The following PPP4R3B variants were observed in gnomAD, a reference collection of about 807,000 sequenced individuals.
PPP4R3B encodes serine/threonine-protein phosphatase 4 regulatory subunit 3B.
Under a neutral mutation model 95.4 loss-of-function variants are expected in PPP4R3B, and 52 were observed. That is an observed-to-expected ratio of 0.54 (90% CI 0.44 to 0.69). The LOEUF (loss-of-function observed/expected upper bound fraction) is 0.69, where lower values mean the gene tolerates loss of function less well. PPP4R3B is among the 30% of genes least tolerant of loss of function. The pLI is 0.00. For synonymous variants in PPP4R3B, 407 were observed against 343.9 expected, an observed-to-expected ratio of 1.18 and a Z score of -2.03; for missense variants, 1,003 against 1,005.9, an observed-to-expected ratio of 1.00 and a Z score of 0.04.
At chr2:55,578,423 T>C (rs1688987383) in intron 9 of PPP4R3B, 81 bp from the exon 10 acceptor site, 2 of 1,164,318 alleles carry the variant, frequency 1.7e-6, no homozygotes, top group Middle Eastern at 3.2e-4. Flanking sequence ...ATCTATATAT[T>C]TCTGTAAGCT....
chr2:55,551,117 C>T lies in PPP4R3B; in HGVS notation c.2455-1111G>A, dbSNP rs140231370. On this transcript the variant is annotated intron_variant, in intron 16 of 16. Coordinates refer to ENST00000616407, the MANE Select transcript of PPP4R3B (RefSeq NM_001122964.3). The stretch of plus-strand genomic sequence containing the variant: ...CTGTAATCCCAGCACTTTGGGAGAT[C>T]GAGGCGGATGGGTCACCTGAGAGAT... 2.4e-3 allele frequency among the ~76,000 whole-genome samples: 368 copies of T among 152,090 alleles called. 1 individual carries two copies. Among genetic ancestry groups the T allele is most frequent in the African/African-American group, 8.1e-3 (336 of 41,518 alleles).
chr2:55,608,561 G>C (rs891527948), intron 2 of PPP4R3B, among the ~76,000 whole-genome samples: 2 of 152,024 alleles, frequency 1.3e-5, no homozygotes, highest in Non-Finnish European at 2.9e-5. Flanking sequence ...ATTATCTTTT[G>C]CTTGGACTAT....
At chr2:55,593,144 C>T (rs962638073) in intron 4 of PPP4R3B, among the ~76,000 whole-genome samples, 5 of 152,028 alleles carry the variant, frequency 3.3e-5, no homozygotes, top group South Asian at 2.1e-4. Context: ...GGTGACAGAG[C>T]GAGACTCTGT....
At position 55,564,398 on chromosome 2, in the gene PPP4R3B, T is replaced by C. The variant is rs1687015741; in HGVS notation, c.2175A>G (p.Gly725=). Residue 725 remains glycine (G), a synonymous_variant, in exon 15 of 17, where the codon GGA becomes GGG. Transcript: ENST00000616407. ...MWFNEDEEEE[G]KAVVAPVEKP... Reference sequence around the variant, plus strand: ...TTTCCACTGGTGCCACAACTGCTTTTCCTTCCTCTTCTTCATCTTCATTAA... The same window carrying C: ...TTTCCACTGGTGCCACAACTGCTTTCCCTTCCTCTTCTTCATCTTCATTAA... 1 of 1,613,862 alleles carries C rather than the reference T, an allele frequency of 6.2e-7. No homozygotes were observed. Among genetic ancestry groups the C allele is most frequent in the African/African-American group, 1.3e-5 (1 of 74,914 alleles).
intron 9 of PPP4R3B, 27 bp downstream of exon 9, chr2:55,579,652 C>G: frequency 7.0e-7 from 1 of 1,426,618 alleles, no homozygotes; most frequent in South Asian, 1.5e-5. Flanking sequence ...AAACAGAAAT[C>G]ACAGCAGATA....
chr2:55,563,406 T>A (rs1686875579), intron 15 of PPP4R3B, among the ~76,000 whole-genome samples: 1 of 152,218 alleles, frequency 6.6e-6, no homozygotes, highest in African/African-American at 2.4e-5. Context: ...ATAAGGTCTT[T>A]CTCTGTTATT....
intron 15 of PPP4R3B, among the ~76,000 whole-genome samples, chr2:55,561,863 A>T (rs1190250052): frequency 1.3e-5 from 2 of 152,030 alleles, no homozygotes; most frequent in Non-Finnish European, 2.9e-5. Context: ...CTCATATGAG[A>T]CTTTGGACTT....
At chr2:55,586,087 T>A (rs1373841706) in intron 6 of PPP4R3B, among the ~76,000 whole-genome samples, 1 of 152,114 alleles carries the variant, frequency 6.6e-6, no homozygotes, top group Non-Finnish European at 1.5e-5. Context: ...TTTGAAAAAA[T>A]TATTTTTCAT....
intron 16 of PPP4R3B, among the ~76,000 whole-genome samples, chr2:55,555,531 T>C (rs1685740660): frequency 6.6e-6 from 1 of 151,730 alleles, no homozygotes. Flanking sequence ...CTGGCCAACA[T>C]GGTGAAACCC....
intron 16 of PPP4R3B, among the ~76,000 whole-genome samples, chr2:55,553,449 A>G (rs1049278058): frequency 6.6e-6 from 1 of 152,236 alleles, no homozygotes; most frequent in Non-Finnish European, 1.5e-5. Context: ...TCAAGTTTTT[A>G]AAGTGTATAA....
Position 55,577,324 on chromosome 2 carries a change from T to C in PPP4R3B, c.1597A>G (p.Ile533Val), listed in dbSNP as rs376675177. ...ATGAATTCATACTTACCGGGACAAA[T>C]TGTGTTGTTTTTGTTTGATCCAACT... ...NIVGSNKNNT[I>V]CPDNYQTAQL... is the part of the protein sequence containing the mutation. The change falls in exon 11 of 17, where the codon ATT (isoleucine) becomes GTT (valine). Residue 533 changes from isoleucine (I) to valine (V), a missense_variant. Around this residue, in one of 3 missense-constraint regions of PPP4R3B, gnomAD observed 695 missense variants for 686.2 expected, o/e 1.01. Transcript: ENST00000616407. The C allele has an allele frequency of 3.9e-5, 61 of 1,548,178 alleles. 1 individual carries two copies. Among genetic ancestry groups the C allele is most frequent in the Admixed American group, 8.5e-5 (4 of 47,182 alleles).
chr2:55,596,676 G>T (rs910921292), intron 4 of PPP4R3B, among the ~76,000 whole-genome samples: 1 of 152,186 alleles, frequency 6.6e-6, no homozygotes, highest in Non-Finnish European at 1.5e-5. Context: ...AAATATAGCT[G>T]CATTGGCCAG....
rs1467522062 is a variant in PPP4R3B, at chr2:55,603,898, AAT to A, written c.297+78_297+79del. 7 of 940,634 alleles carry A rather than the reference AAT, an allele frequency of 7.4e-6. No individual in the cohort carries two copies. The Admixed American group carries it at 1.8e-4, about 24-fold the overall frequency. 58.3% of individuals were successfully genotyped at this position (940,634 alleles called of 1,614,324 possible). A position where few individuals can be genotyped will look rare whatever the true frequency, so the allele number is the denominator to read the frequency against. On this transcript the variant is annotated intron_variant, in intron 3 of 16. Coordinates refer to ENST00000616407, the MANE Select transcript of PPP4R3B (RefSeq NM_001122964.3). ...TTAAGACACTATCTCGCCACATCCT[AAT>A]ATGTTTGAAGTAAAAAGGAAACAAA...
chr2:55,586,828 G>T, intron 5 of PPP4R3B, 94 bp from the exon 6 acceptor site: 2 of 648,966 alleles, frequency 3.1e-6, no homozygotes, highest in Non-Finnish European at 5.2e-6. Context: ...TCACCCTTCT[G>T]AAGGATCTCA....
chr2:55,614,556 T>G (rs924000852), intron 2 of PPP4R3B: 1 of 152,204 alleles, frequency 6.6e-6, no homozygotes, highest in Admixed American at 6.5e-5. Flanking sequence ...ATATTATTTA[T>G]GGATACATAC....
At chr2:55,553,544 TCCAGAACATTTCCA>T (rs1685492858) in intron 16 of PPP4R3B, among the ~76,000 whole-genome samples, 1 of 152,088 alleles carries the variant, frequency 6.6e-6, no homozygotes, top group African/African-American at 2.4e-5. Flanking sequence ...CACCACCAAT[TCCAGAACATTTCCA>T]CCATTTCACC....
Position 55,581,569 on chromosome 2 carries a change from T to C in PPP4R3B, c.1363A>G (p.Asn455Asp). ...IDPENMLATT[N>D]KTEKSEFLNF... is the part of the protein sequence containing the mutation. The stretch of plus-strand genomic sequence containing the variant: ...TTTATCTCAGAGTAATTTCTTACAT[T>C]AGTTGTAGCCAGCATGTTCTCTGGA... Residue 455 changes from asparagine (N) to aspartate (D), a missense_variant and splice_region_variant, in exon 8 of 17, where the codon AAT becomes GAT. Asn to Asp is a conservative substitution (Grantham distance 23, BLOSUM62 1). Coordinates refer to ENST00000616407, the MANE Select transcript of PPP4R3B (RefSeq NM_001122964.3). 6.2e-7 allele frequency: 1 copy of C among 1,609,324 alleles called. No individual in the cohort carries two copies. The highest frequency in any genetic ancestry group is 8.5e-7 in the Non-Finnish European group (1 of 1,178,172).
intron 2 of PPP4R3B, among the ~76,000 whole-genome samples, chr2:55,611,692 G>A (rs1694184555): frequency 6.6e-6 from 1 of 152,008 alleles, no homozygotes; most frequent in African/African-American, 2.4e-5. Flanking sequence ...AAACTATAAT[G>A]TTAAAAGAAG....
At chr2:55,617,021 G>A (rs1695048912) in intron 1 of PPP4R3B, 123 bp downstream of exon 1, 3 of 1,144,574 alleles carry the variant, frequency 2.6e-6, no homozygotes, top group East Asian at 2.5e-5. Context: ...GTACACAAGA[G>A]CCAGTTCAGA....
Sources: gnomAD v4.1 joint callset for allele counts (sites outside exome capture counted in the v4.1 genomes callset) on GRCh38, gnomAD v4.1.1 for gene constraint, gnomAD v4.1.1 regional missense constraint, MANE v1.5 for transcripts, NCBI Gene and HGNC (gene_info 2026-07-23, HGNC 2026-07-21) for gene names.